The following CAMK4 variants were observed in gnomAD, a reference collection of about 807,000 sequenced individuals.
The protein encoded by CAMK4 is calcium/calmodulin-dependent protein kinase type IV.
In CAMK4, 22 loss-of-function variants were observed where a neutral mutation model predicts 44.9. That is an observed-to-expected ratio of 0.49 (90% CI 0.35 to 0.70). The LOEUF is 0.70. CAMK4 is among the 30% of genes least tolerant of loss of function. The pLI is 0.01. For synonymous variants in CAMK4, 218 were observed against 215.4 expected, an observed-to-expected ratio of 1.01 and a Z score of -0.11; for missense variants, 498 against 586.8, an observed-to-expected ratio of 0.85 and a Z score of 1.56.
intron 1 of CAMK4, among the ~76,000 whole-genome samples, chr5:111,311,736 C>A (rs1278037596): frequency 6.6e-6 from 1 of 152,134 alleles, no homozygotes; most frequent in East Asian, 1.9e-4. Flanking sequence ...AAATTGTTCT[C>A]AAATTTCTTG....
intron 1 of CAMK4, among the ~76,000 whole-genome samples, chr5:111,259,457 T>C (rs2112558434): frequency 6.6e-6 from 1 of 152,314 alleles, no homozygotes; most frequent in South Asian, 2.1e-4. Flanking sequence ...ACTGAACTCA[T>C]GATATTCACG....
At chr5:111,298,387 G>C (rs1380595161) in intron 1 of CAMK4, among the ~76,000 whole-genome samples, 1 of 152,162 alleles carries the variant, frequency 6.6e-6, no homozygotes, top group Non-Finnish European at 1.5e-5. Flanking sequence ...AGAATAGCTA[G>C]GGAACTCAGC....
At position 111,449,358 on chromosome 5, in the gene CAMK4, A is replaced by G. The variant is rs546138687; in HGVS notation, c.625+155A>G. Among the ~76,000 whole-genome samples the G allele has an allele frequency of 2.2e-4, 33 of 152,326 alleles. No homozygotes were observed. The South Asian group carries it at 6.8e-3, about 32-fold the overall frequency. ...AGGAAGGCATACATAAATAATACTC[A>G]GATCACTTCTTGTTTTCTATGAGAG... On this transcript the variant is annotated intron_variant, in intron 7 of 10. Transcript: ENST00000282356.
intron 1 of CAMK4, among the ~76,000 whole-genome samples, chr5:111,268,875 A>T (rs1308800724): frequency 6.6e-6 from 1 of 152,160 alleles, no homozygotes; most frequent in Non-Finnish European, 1.5e-5. Flanking sequence ...GAACATAAAG[A>T]TCTATTGAAA....
chr5:111,424,161 G>A (rs1289863403), intron 5 of CAMK4, among the ~76,000 whole-genome samples: 2 of 152,188 alleles, frequency 1.3e-5, no homozygotes, highest in African/African-American at 2.4e-5. Flanking sequence ...CCTAACCATG[G>A]TAGGAATTCA....
At chr5:111,315,960 C>T (rs1202484452) in intron 1 of CAMK4, among the ~76,000 whole-genome samples, 1 of 152,030 alleles carries the variant, frequency 6.6e-6, no homozygotes, top group East Asian at 1.9e-4. Flanking sequence ...TTTTGTTTGG[C>T]TCTCTAGGCA....
rs1010616849 is a variant in CAMK4 at position 111,392,549 on chromosome 5, A to G, written c.387-2161A>G. On this transcript the variant is annotated intron_variant, in intron 4 of 10. Transcript: ENST00000282356. Reference sequence around the variant, plus strand: ...AACCAAAAAAGAAGAAACTAATGTTAAAAACATGAAAACATAAATACAAAC... The same window carrying G: ...AACCAAAAAAGAAGAAACTAATGTTGAAAACATGAAAACATAAATACAAAC... 3.3e-5 allele frequency among the ~76,000 whole-genome samples: 5 copies of G among 152,280 alleles called. No homozygotes were observed. The South Asian group carries it at 1.0e-3, about 32-fold the overall frequency.
chr5:111,284,329 A>T (rs1751145945), intron 1 of CAMK4, among the ~76,000 whole-genome samples: 1 of 152,216 alleles, frequency 6.6e-6, no homozygotes, highest in South Asian at 2.1e-4. Flanking sequence ...TGGTAGTCTG[A>T]TATTGCAAGG....
chr5:111,483,548 A>C (rs1338165524), intron 10 of CAMK4, among the ~76,000 whole-genome samples: 1 of 152,190 alleles, frequency 6.6e-6, no homozygotes, highest in Non-Finnish European at 1.5e-5. Context: ...TCTGATACAG[A>C]CTAAATAAAT....
intron 1 of CAMK4, among the ~76,000 whole-genome samples, chr5:111,297,195 C>T (rs1181159601): frequency 6.6e-6 from 1 of 152,166 alleles, no homozygotes; most frequent in Non-Finnish European, 1.5e-5. Context: ...TTATTTCTAG[C>T]AGCACTTAAA....
At chr5:111,295,508 G>GACCACAGTTAGTGGTAGTGAGC (rs1747445654) in intron 1 of CAMK4, among the ~76,000 whole-genome samples, 1 of 152,206 alleles carries the variant, frequency 6.6e-6, no homozygotes, top group Non-Finnish European at 1.5e-5. Flanking sequence ...TGTCAGTGAA[G>GACCACAGTTAGTGGTAGTGAGC]ACCACAGTTA....
At chr5:111,420,716 GA>G (rs1752995273) in intron 5 of CAMK4, among the ~76,000 whole-genome samples, 1 of 152,180 alleles carries the variant, frequency 6.6e-6, no homozygotes. Context: ...TCCTTGCTGA[GA>G]AAAAGAATTC....
chr5:111,315,378 G>A (rs1431606030), intron 1 of CAMK4, among the ~76,000 whole-genome samples: 1 of 152,068 alleles, frequency 6.6e-6, no homozygotes, highest in Admixed American at 6.6e-5. Context: ...AACATTGTAG[G>A]TGGTGCACAG....
intron 1 of CAMK4, among the ~76,000 whole-genome samples, chr5:111,336,558 T>G (rs574571107): frequency 6.6e-6 from 1 of 151,182 alleles, no homozygotes; most frequent in South Asian, 2.1e-4. Flanking sequence ...CTTTAAAAAT[T>G]TATTTCTAGT....
intron 1 of CAMK4, among the ~76,000 whole-genome samples, chr5:111,233,417 A>G (rs981311094): frequency 1.3e-5 from 2 of 151,856 alleles, no homozygotes; most frequent in African/African-American, 2.4e-5. Flanking sequence ...TCTTCCTCCT[A>G]TTTCTTTTTG....
At chr5:111,227,877 A>T (rs894407742) in intron 1 of CAMK4, among the ~76,000 whole-genome samples, 1 of 152,252 alleles carries the variant, frequency 6.6e-6, no homozygotes, top group Non-Finnish European at 1.5e-5. Flanking sequence ...CTACTTAAAA[A>T]TACGAATTGG....
chr5:111,390,965 C>G (rs1218812464), intron 4 of CAMK4, among the ~76,000 whole-genome samples: 8 of 152,106 alleles, frequency 5.3e-5, no homozygotes, highest in Non-Finnish European at 5.9e-5. Flanking sequence ...CTCAAATCTT[C>G]AAGTTATTTG....
In CAMK4 at chr5:111,288,375, A is replaced by G. The variant is rs149332388; in HGVS notation, c.162-55649A>G. Among the ~76,000 whole-genome samples the G allele has an allele frequency of 2.8e-3, 430 of 152,332 alleles. 2 individuals carry two copies. Among genetic ancestry groups the G allele is most frequent in the African/African-American group, 0.01 (416 of 41,576 alleles). ...GGGATGCATATTTTTGCTTCATTAGATAAAATGTATCTTTTTATCAAAGAA... is the reference window on the plus strand; with the variant it reads ...GGGATGCATATTTTTGCTTCATTAGGTAAAATGTATCTTTTTATCAAAGAA... On this transcript the variant is annotated intron_variant, in intron 1 of 10. Coordinates refer to ENST00000282356, the MANE Select transcript of CAMK4 (RefSeq NM_001744.6).
At chr5:111,460,570 A>C (rs527596081) in intron 7 of CAMK4, among the ~76,000 whole-genome samples, 1 of 152,252 alleles carries the variant, frequency 6.6e-6, no homozygotes, top group Non-Finnish European at 1.5e-5. Flanking sequence ...TTCTAAGTCC[A>C]TTACTTTATC....
Sources: gnomAD v4.1 joint callset for allele counts (sites outside exome capture counted in the v4.1 genomes callset) on GRCh38, gnomAD v4.1.1 for gene constraint, MANE v1.5 for transcripts, NCBI Gene and HGNC (gene_info 2026-07-23, HGNC 2026-07-21) for gene names.